The following HERC2 variants were observed in gnomAD, a reference collection of about 807,000 sequenced individuals.
The protein encoded by HERC2 is E3 ubiquitin-protein ligase HERC2.
HERC2 carries 102 observed loss-of-function variants against 537.7 expected under a neutral mutation model. The ratio of observed to expected loss-of-function variants is 0.19; its 90% CI spans 0.16 to 0.22. The LOEUF is 0.22. Among genes scored for constraint, HERC2 ranks in the 10% least tolerant of loss-of-function variants. HERC2 has a pLI of 1.00. For missense variants in HERC2, 4,236 were observed against 6,198.2 expected (o/e 0.68, Z 10.63); for synonymous variants, 2,224 against 2,466.2 (o/e 0.90, Z 2.91).
Position 28,230,460 on chromosome 15 carries a change from A to C in HERC2, c.4716T>G (p.Ile1572Met), listed in dbSNP as rs1450985622. 3 of 1,401,984 alleles carry C rather than the reference A, an allele frequency of 2.1e-6. No homozygotes were observed. Among genetic ancestry groups the C allele is most frequent in the Non-Finnish European group, 2.0e-6 (2 of 1,004,416 alleles). The allele number at this position is 1,401,984 out of a possible 1,614,324, so 86.8% of individuals were successfully genotyped here. A position where few individuals can be genotyped will look rare whatever the true frequency, so the allele number is the denominator to read the frequency against. Residue 1572 changes from isoleucine (I) to methionine (M), a missense_variant, in exon 31 of 93, where the codon ATT becomes ATG. Transcript: ENST00000261609. ...KPESTDDEEKIGNEESDLEEA... is the reference protein window; with the variant it reads ...KPESTDDEEKMGNEESDLEEA... ...CTTCTAAATCACTCTCTTCGTTTCC[A>C]ATTTTTTCTTCATCATCCGTAGATT...
chr15:28,228,179 G>T, intron 35 of HERC2, 39 bp downstream of exon 35: 6 of 1,521,574 alleles, frequency 3.9e-6, no homozygotes, highest in Non-Finnish European at 5.4e-6. Context: ...GCAAAATCTT[G>T]ACATTTTCCC....
At chr15:28,158,445 G>T (rs181251417) in intron 69 of HERC2, among the ~76,000 whole-genome samples, 1 of 152,332 alleles carries the variant, frequency 6.6e-6, no homozygotes, top group Admixed American at 6.5e-5. Context: ...AGATATTTAG[G>T]ATAGTTAGTT....
rs990232828 is a variant in HERC2 at position 28,230,697 on chromosome 15, G to A, written c.4676-197C>T. On this transcript the variant is annotated intron_variant, in intron 30 of 92. Coordinates refer to ENST00000261609, the MANE Select transcript of HERC2 (RefSeq NM_004667.6). ...CAAAAAGACAAAGTGAGAGTGCGACGAGGGGAGAAGCCCCGAAGCACGGGA... is the reference window on the plus strand; with the variant it reads ...CAAAAAGACAAAGTGAGAGTGCGACAAGGGGAGAAGCCCCGAAGCACGGGA... Among the ~76,000 whole-genome samples, 105 of 151,986 alleles carry A rather than the reference G, an allele frequency of 6.9e-4. 1 individual carries two copies. The highest frequency in any genetic ancestry group is 2.4e-3 in the African/African-American group (98 of 41,492).
chr15:28,162,117 G>A (rs1893664081), intron 69 of HERC2, among the ~76,000 whole-genome samples: 1 of 151,984 alleles, frequency 6.6e-6, no homozygotes, highest in Non-Finnish European at 1.5e-5. Context: ...ATCACTTGAG[G>A]TCAGCAGTTC....
chr15:28,204,706 A>G (rs899060690), intron 45 of HERC2, among the ~76,000 whole-genome samples: 3 of 152,146 alleles, frequency 2.0e-5, no homozygotes, highest in Admixed American at 6.5e-5. Context: ...CCAAATGGAA[A>G]TAAGAGATGT....
At chr15:28,283,358 C>A (rs539148320) in intron 4 of HERC2, among the ~76,000 whole-genome samples, 27 of 152,104 alleles carry the variant, frequency 1.8e-4, no homozygotes, top group Non-Finnish European at 3.4e-4. Context: ...CAAATGACAG[C>A]GAATTTCTCA....
intron 24 of HERC2, 100 bp downstream of exon 24, chr15:28,238,502 G>T: frequency 1.1e-6 from 1 of 925,472 alleles, no homozygotes. Context: ...AATATGTGGG[G>T]GCTGGCACAA....
intron 70 of HERC2, among the ~76,000 whole-genome samples, chr15:28,151,244 G>C (rs1892416735): frequency 6.6e-6 from 1 of 152,280 alleles, no homozygotes; most frequent in Middle Eastern, 3.4e-3. Context: ...ATTTGATATG[G>C]AAGAAAGGAG....
chr15:28,200,629 A>G (rs1897815422), intron 48 of HERC2, among the ~76,000 whole-genome samples: 1 of 152,238 alleles, frequency 6.6e-6, no homozygotes, highest in Non-Finnish European at 1.5e-5. Context: ...CCAAATGTAG[A>G]TAAGGCATAC....
intron 2 of HERC2, among the ~76,000 whole-genome samples, chr15:28,301,330 G>A (rs982979306): frequency 6.6e-6 from 1 of 151,936 alleles, no homozygotes; most frequent in Non-Finnish European, 1.5e-5. Context: ...CAGGAGAATA[G>A]CCTGAACCCA....
intron 38 of HERC2, 41 bp from the exon 39 acceptor site, chr15:28,215,843 A>G (rs1319323487): frequency 9.9e-6 from 12 of 1,211,708 alleles, no homozygotes; most frequent in African/African-American, 1.5e-5. Flanking sequence ...ACAAGTCCCT[A>G]AAGACAAATC....
intron 69 of HERC2, among the ~76,000 whole-genome samples, chr15:28,155,733 G>GT (rs1021282528): frequency 1.1e-4 from 16 of 152,216 alleles, no homozygotes; most frequent in African/African-American, 3.9e-4. Flanking sequence ...TCTGATGGTA[G>GT]TTTCTTTTGC....
Position 28,192,145 on chromosome 15 carries a change from G to A in HERC2, c.8267C>T (p.Ser2756Phe), listed in dbSNP as rs1896911997. ...TFGRINEPGQ[S>F]AVFCGRSGKQ... The stretch of plus-strand genomic sequence containing the variant: ...TCCAGAACGGCCACAAAATACCGCA[G>A]ACTGACCTATTTCGTGATAGTCAAA... Residue 2756 changes from serine to phenylalanine, a missense_variant, in exon 53 of 93, where the codon TCT becomes TTT. Coordinates refer to ENST00000261609, the MANE Select transcript of HERC2 (RefSeq NM_004667.6). The A allele has an allele frequency of 6.2e-7, 1 of 1,611,844 alleles. No individual in the cohort carries two copies. The highest frequency in any genetic ancestry group is 1.3e-5 in the African/African-American group (1 of 74,910).
intron 3 of HERC2, 142 bp from the exon 4 acceptor site, chr15:28,293,164 A>G (rs376434068): frequency 2.2e-5 from 16 of 715,932 alleles, no homozygotes; most frequent in Non-Finnish European, 3.5e-5. Flanking sequence ...TACATCAATC[A>G]TACCTGTAAC....
chr15:28,177,279 A>T lies in HERC2; in HGVS notation c.9254+140T>A. 1 of 1,211,304 alleles carries T rather than the reference A, an allele frequency of 8.3e-7. No homozygotes were observed. Among genetic ancestry groups the T allele is most frequent in the Non-Finnish European group, 1.2e-6 (1 of 860,472 alleles). 75.0% of individuals were successfully genotyped at this position (1,211,304 alleles called of 1,614,324 possible). A position where few individuals can be genotyped will look rare whatever the true frequency, so the allele number is the denominator to read the frequency against. ...AGCAGAACCGGTGAGACCAAAACACAAACAACCGTGTTAAAAAAATTTTGT... is the reference window on the plus strand; with the variant it reads ...AGCAGAACCGGTGAGACCAAAACACTAACAACCGTGTTAAAAAAATTTTGT... On this transcript the variant is annotated intron_variant, in intron 60 of 92. Coordinates refer to ENST00000261609, the MANE Select transcript of HERC2 (RefSeq NM_004667.6). This position sits in a 1 kb window ranked among gnomAD's most constrained non-coding sequence, Gnocchi z 5.0.
chr15:28,221,718 C>G (rs1273468752), intron 36 of HERC2, among the ~76,000 whole-genome samples: 1 of 148,062 alleles, frequency 6.8e-6, no homozygotes, highest in Non-Finnish European at 1.5e-5. Flanking sequence ...ACTACACCAA[C>G]TTTCAGAATG....
intron 78 of HERC2, among the ~76,000 whole-genome samples, chr15:28,138,847 A>G (rs1434197573): frequency 6.6e-6 from 1 of 152,234 alleles, no homozygotes; most frequent in African/African-American, 2.4e-5. Flanking sequence ...ACCTTCTGGA[A>G]AGCCAGCACC....
At chr15:28,227,268 C>A (rs1330942066) in intron 35 of HERC2, among the ~76,000 whole-genome samples, 1 of 138,152 alleles carries the variant, frequency 7.2e-6, no homozygotes, top group Admixed American at 6.8e-5. Context: ...GAGTGAGACT[C>A]CGTCTCAAAA....
At chr15:28,189,139 TGCTTAA>T (rs1210766984) in intron 55 of HERC2, among the ~76,000 whole-genome samples, 1 of 152,154 alleles carries the variant, frequency 6.6e-6, no homozygotes, top group Admixed American at 6.5e-5. Flanking sequence ...GCAAAGGCCA[TGCTTAA>T]GATGCAGTGG....
Sources: allele counts gnomAD v4.1 joint callset (sites outside exome capture counted in the v4.1 genomes callset), GRCh38; gene constraint gnomAD v4.1.1; non-coding constraint Gnocchi (gnomAD v3.1); transcripts MANE v1.5; gene names NCBI Gene and HGNC (gene_info 2026-07-23, HGNC 2026-07-21).